The following PRPF40B variants were observed in gnomAD, a reference collection of about 807,000 sequenced individuals.
PRPF40B encodes pre-mRNA-processing factor 40 homolog B.
Under a neutral mutation model 124.5 loss-of-function variants are expected in PRPF40B, and 56 were observed. The ratio of observed to expected loss-of-function variants is 0.45; its 90% CI spans 0.36 to 0.56. The LOEUF is 0.56. Among genes scored for constraint, PRPF40B ranks in the 20% least tolerant of loss-of-function variants. The probability of loss-of-function intolerance (pLI) is 0.00; values close to 1 mark genes in which losing one functional copy is unlikely to be tolerated. For synonymous variants in PRPF40B, 443 were observed against 426.4 expected (o/e 1.04, Z -0.48); for missense variants, 1,053 against 1,169.5 (o/e 0.90, Z 1.45).
intron 22 of PRPF40B, 53 bp downstream of exon 22, chr12:49,643,069 A>G: frequency 6.2e-7 from 1 of 1,602,300 alleles, no homozygotes; most frequent in Non-Finnish European, 8.5e-7. Flanking sequence ...TTTTGGGGAA[A>G]TAAACACTTT....
chr12:49,644,332 T>C lies in PRPF40B; in HGVS notation c.*140T>C. The C allele has an allele frequency of 1.0e-6, 1 of 952,932 alleles. No homozygotes were observed. Among genetic ancestry groups the C allele is most frequent in the Non-Finnish European group, 1.6e-6 (1 of 621,484 alleles). The allele number at this position is 952,932 out of a possible 1,614,324, so 59.0% of individuals were successfully genotyped here. A position where few individuals can be genotyped will look rare whatever the true frequency, so the allele number is the denominator to read the frequency against. The stretch of plus-strand genomic sequence containing the variant: ...AACCCCACCCCCAGCACACCATTGT[T>C]GGCACCTCTCAAGGTTGCTCTTGGT... On this transcript the variant is annotated 3_prime_UTR_variant, in exon 26 of 26. Transcript: ENST00000548825.
Position 49,633,865 on chromosome 12 carries a change from G to T in PRPF40B, c.606-21G>T, listed in dbSNP as rs771429569. The T allele has an allele frequency of 9.9e-6, 16 of 1,613,308 alleles. No homozygotes were observed. In the Admixed American group the frequency reaches 2.5e-4, roughly 25 times the overall value. Reference sequence around the variant, plus strand: ...CATTCTTGCTCTCCTCCTGGACACCGCCCTTCTGGCTCATCTGCAGGAAAC... The same window carrying T: ...CATTCTTGCTCTCCTCCTGGACACCTCCCTTCTGGCTCATCTGCAGGAAAC... On this transcript the variant is annotated intron_variant, in intron 9 of 25. Transcript: ENST00000548825.
chr12:49,634,617 A>G lies in PRPF40B; in HGVS notation c.1001+15A>G. ...CCCCGTTACAGGTAGGCCTGGGCAG[A>G]GGGAGCCAGGCCCTGTTCATGAGAG... On this transcript the variant is annotated intron_variant, in intron 12 of 25. Transcript: ENST00000548825. 6.2e-7 allele frequency: 1 copy of G among 1,614,020 alleles called. No individual in the cohort carries two copies. The highest frequency in any genetic ancestry group is 8.5e-7 in the Non-Finnish European group (1 of 1,179,906).
Position 49,631,860 on chromosome 12 carries a change from A to G in PRPF40B, c.229A>G (p.Ile77Val). Residue 77 changes from isoleucine to valine, a missense_variant and splice_region_variant, in exon 4 of 26, where the codon ATA becomes GTA. Transcript: ENST00000548825. The surrounding 1 kb of genome is among the most constrained non-coding windows in gnomAD (Gnocchi z 4.3). ...PMGAPPPLTQ[I>V]PGMVPPMMPG... ...GTTTCTGTCTTCTTTGTATCCATAG[A>G]TACCAGGAATGGTACCTCCGATGAT... The G allele has an allele frequency of 6.2e-7, 1 of 1,613,706 alleles. No homozygotes were observed. The highest frequency in any genetic ancestry group is 8.5e-7 in the Non-Finnish European group (1 of 1,179,654).
chr12:49,622,959 C>T (rs1018354577), upstream of PRPF40B, among the ~76,000 whole-genome samples: 1 of 152,130 alleles, frequency 6.6e-6, no homozygotes, highest in Non-Finnish European at 1.5e-5. Context: ...CTCATGAGTT[C>T]AGCGCTCAGT....
Position 49,631,735 on chromosome 12 carries a change from C to T in PRPF40B, c.229-125C>T, listed in dbSNP as rs1464316113. ...TGAGAGGCCAGAATCTGGGGATTGC[C>T]TGAGGAAGTGCCCAAGTGAGGGTCA... On this transcript the variant is annotated intron_variant, in intron 3 of 25. Transcript: ENST00000548825. The surrounding 1 kb of genome is among the most constrained non-coding windows in gnomAD (Gnocchi z 4.3). The T allele has an allele frequency of 9.6e-6, 12 of 1,255,592 alleles. No individual in the cohort carries two copies. Among genetic ancestry groups the T allele is most frequent in the Non-Finnish European group, 1.4e-5 (12 of 858,754 alleles). The allele number at this position is 1,255,592 out of a possible 1,614,324, so 77.8% of individuals were successfully genotyped here.
Position 49,637,591 on chromosome 12 carries a change from C to A in PRPF40B, c.1675+7C>A. Reference sequence around the variant, plus strand: ...AACATGCTGGGCCAGCCGGGTAAGGCAGCCAGGCTCCCCCTTCTCTGGCCT... The same window carrying A: ...AACATGCTGGGCCAGCCGGGTAAGGAAGCCAGGCTCCCCCTTCTCTGGCCT... On this transcript the variant is annotated splice_region_variant and intron_variant, in intron 17 of 25. Transcript: ENST00000548825. 1 of 1,611,370 alleles carries A rather than the reference C, an allele frequency of 6.2e-7. No homozygotes were observed. Among genetic ancestry groups the A allele is most frequent in the Non-Finnish European group, 8.5e-7 (1 of 1,178,272 alleles).
intron 1 of PRPF40B, among the ~76,000 whole-genome samples, chr12:49,629,213 C>T (rs1009350806): frequency 1.3e-5 from 2 of 152,200 alleles, no homozygotes; most frequent in African/African-American, 4.8e-5. Flanking sequence ...TTGTCTCTGA[C>T]TTTTATACAA....
rs1941172631 is a variant in PRPF40B at position 49,631,029 on chromosome 12, T to A, written c.85-372T>A. Among the ~76,000 whole-genome samples the A allele has an allele frequency of 6.6e-6, 1 of 152,208 alleles. No homozygotes were observed. Among genetic ancestry groups the A allele is most frequent in the Admixed American group, 6.5e-5 (1 of 15,288 alleles). On this transcript the variant is annotated intron_variant, in intron 2 of 25. Coordinates refer to ENST00000548825, the MANE Select transcript of PRPF40B (RefSeq NM_001031698.3). The surrounding 1 kb of genome is among the most constrained non-coding windows in gnomAD (Gnocchi z 4.3). ...GAGAAAGGGATGGGAGGCAGGGGAC[T>A]GGGGTACTTGGGTACCTGGATACCT...
At chr12:49,632,275 C>T in intron 4 of PRPF40B, 1 of 574,454 alleles carries the variant, frequency 1.7e-6, no homozygotes, top group Non-Finnish European at 3.1e-6. Context: ...TCTTGCTGTG[C>T]CTTCTTATGC....
At chr12:49,626,713 C>T (rs1022844533) in intron 1 of PRPF40B, among the ~76,000 whole-genome samples, 10 of 152,038 alleles carry the variant, frequency 6.6e-5, no homozygotes, top group South Asian at 2.1e-4. Flanking sequence ...AATCGGGAAC[C>T]GGTAAGTTCT....
intron 2 of PRPF40B, 71 bp downstream of exon 2, chr12:49,630,696 T>G: frequency 1.4e-6 from 1 of 690,904 alleles, no homozygotes; most frequent in Non-Finnish European, 2.7e-6. Context: ...CCCTAGCCAC[T>G]GCTGCATCAC....
rs1279199783 is a variant in PRPF40B at position 49,634,568 on chromosome 12, G to A, written c.967G>A (p.Ala323Thr). 6.2e-7 allele frequency: 1 copy of A among 1,614,228 alleles called. No homozygotes were observed. The highest frequency in any genetic ancestry group is 8.5e-7 in the Non-Finnish European group (1 of 1,180,034). Residue 323 changes from alanine to threonine, a missense_variant, in exon 12 of 26, where the codon GCC becomes ACC. This residue lies in a region of PRPF40B where 895 missense variants were observed against 1,052.2 expected (regional missense o/e 0.85). Coordinates refer to ENST00000548825, the MANE Select transcript of PRPF40B (RefSeq NM_001031698.3). The stretch of plus-strand genomic sequence containing the variant: ...CCCCTCCAATGCCTCATGGGAACAG[G>A]CCATGAAGATGGTGGTCACCGACCC... ...AVPSNASWEQ[A>T]MKMVVTDPRY...
Position 49,633,484 on chromosome 12 carries a change from T to G in PRPF40B, c.517T>G (p.Tyr173Asp), listed in dbSNP as rs1258175360. The G allele has an allele frequency of 1.9e-5, 30 of 1,613,836 alleles. No homozygotes were observed. Among genetic ancestry groups the G allele is most frequent in the Non-Finnish European group, 2.5e-5 (29 of 1,180,004 alleles). The change falls in exon 8 of 26, where the codon TAC becomes GAC. Residue 173 changes from tyrosine (Y) to aspartate (D), a missense_variant. Tyr to Asp is a radical substitution (Grantham distance 160). Around this residue, in one of 2 missense-constraint regions of PRPF40B, gnomAD observed 895 missense variants for 1,052.2 expected, o/e 0.85. Coordinates refer to ENST00000548825, the MANE Select transcript of PRPF40B (RefSeq NM_001031698.3). The part of the protein sequence containing the change: ...EYKSDTGKPY[Y>D]YNNQSKESRW... Reference sequence around the variant, plus strand: ...CAAGTCGGACACAGGCAAACCTTATTACTATAACAACCAGAGTAAAGAGTC... The same window carrying G: ...CAAGTCGGACACAGGCAAACCTTATGACTATAACAACCAGAGTAAAGAGTC...
chr12:49,633,599 GC>G (rs776245938), intron 8 of PRPF40B, 37 bp from the exon 9 acceptor site: 1 of 1,614,082 alleles, frequency 6.2e-7, no homozygotes, highest in Non-Finnish European at 8.5e-7. Flanking sequence ...GCTCCCTATT[GC>G]CCCTGTGACT....
Position 49,642,650 on chromosome 12 carries a change from T to A in PRPF40B, c.2093T>A (p.Phe698Tyr). Reference protein sequence around the residue: ...ITLESERIRLFREFLQVLETE... With the variant: ...ITLESERIRLYREFLQVLETE... ...CTGGAGTCGGAGCGGATCCGGCTCT[T>A]CCGGGAGTTCCTACAGGTGCTGGAG... The change falls in exon 21 of 26, where the codon TTC becomes TAC. Residue 698 changes from phenylalanine (F) to tyrosine (Y), a missense_variant. Coordinates refer to ENST00000548825, the MANE Select transcript of PRPF40B (RefSeq NM_001031698.3). This position sits in a 1 kb window ranked among gnomAD's most constrained non-coding sequence, Gnocchi z 5.8. The A allele has an allele frequency of 6.2e-7, 1 of 1,614,124 alleles. No homozygotes were observed. The highest frequency in any genetic ancestry group is 8.5e-7 in the Non-Finnish European group (1 of 1,179,996).
At position 49,642,001 on chromosome 12, in the gene PRPF40B, A is replaced by G. The variant is rs371483209; in HGVS notation, c.1861A>G (p.Asn621Asp). The G allele has an allele frequency of 6.0e-5, 97 of 1,613,376 alleles. No homozygotes were observed. Among genetic ancestry groups the G allele is most frequent in the Non-Finnish European group, 8.1e-5 (95 of 1,180,032 alleles). The change falls in exon 19 of 26, where the codon AAC (asparagine) becomes GAC (aspartate). Residue 621 changes from asparagine to aspartate, a missense_variant. Asn to Asp is a conservative substitution (Grantham distance 23, BLOSUM62 1). This residue lies in a region of PRPF40B where 895 missense variants were observed against 1,052.2 expected (regional missense o/e 0.85). Transcript: ENST00000548825. The surrounding 1 kb of genome is among the most constrained non-coding windows in gnomAD (Gnocchi z 5.8). ...DKRAAALDAG[N>D]IKLTFNSLLE... ...GAGGGCTGCCGCACTGGACGCAGGC[A>G]ACATCAAGCTGACCTTCAATAGTGT...
intron 18 of PRPF40B, 40 bp downstream of exon 18, chr12:49,637,864 G>A: frequency 6.7e-7 from 1 of 1,503,736 alleles, no homozygotes; most frequent in Non-Finnish European, 9.2e-7. Flanking sequence ...CAGGATGGAT[G>A]CAGGGCACAC....
At chr12:49,639,471 T>C (rs1942305608) in intron 18 of PRPF40B, 1 of 152,216 alleles carries the variant, frequency 6.6e-6, no homozygotes. Context: ...CCGGGGGCAG[T>C]GGGGACAGCA....
Sources: allele counts gnomAD v4.1 joint callset (sites outside exome capture counted in the v4.1 genomes callset), GRCh38; gene constraint gnomAD v4.1.1; regional missense constraint gnomAD v4.1.1; non-coding constraint Gnocchi (gnomAD v3.1); transcripts MANE v1.5; gene names NCBI Gene and HGNC (gene_info 2026-07-23, HGNC 2026-07-21).